Variants in PTPRD observed in about 807,000 individuals in gnomAD.
PTPRD encodes the protein receptor-type tyrosine-protein phosphatase delta.
Under a neutral mutation model 214.5 loss-of-function variants are expected in PTPRD, and 34 were observed. The ratio of observed to expected loss-of-function variants is 0.16; its 90% CI spans 0.12 to 0.21. The LOEUF (loss-of-function observed/expected upper bound fraction) is 0.21, where lower values mean the gene tolerates loss of function less well. Ranked by LOEUF, PTPRD falls within the 10% of genes least tolerant of loss-of-function variation. The pLI, the probability that PTPRD is intolerant of heterozygous loss-of-function variation, is 1.00. For missense variants in PTPRD, 2,545 were observed against 2,398.7 expected, an observed-to-expected ratio of 1.06 and a Z score of -1.27; for synonymous variants, 1,128 against 845.7, an observed-to-expected ratio of 1.33 and a Z score of -5.79.
intron 11 of PTPRD, among the ~76,000 whole-genome samples, chr9:8,866,699 T>G (rs2098202386): frequency 6.6e-6 from 1 of 152,206 alleles, no homozygotes; most frequent in Non-Finnish European, 1.5e-5. Context: ...CTATCCATAT[T>G]TCTTACTCAG....
intron 7 of PTPRD, among the ~76,000 whole-genome samples, chr9:9,654,955 G>C (rs537537515): frequency 6.6e-6 from 1 of 151,432 alleles, no homozygotes; most frequent in Non-Finnish European, 1.5e-5. Context: ...CTATACTGAA[G>C]AATAACACAT....
At position 10,253,134 on chromosome 9, in the gene PTPRD, G is replaced by A. The variant is rs548338398; in HGVS notation, c.-545+87829C>T. 9.3e-4 allele frequency among the ~76,000 whole-genome samples: 142 copies of A among 152,178 alleles called. 1 individual carries two copies. In the South Asian group the frequency reaches 0.017, roughly 18 times the overall value. ...TGAATAGACCTTTTAAGGATACAGA[G>A]CTTCACAGTTAAATTTGATGATTAA... On this transcript the variant is annotated intron_variant, in intron 3 of 45. Coordinates refer to ENST00000381196, the MANE Select transcript of PTPRD (RefSeq NM_002839.4).
intron 2 of PTPRD, among the ~76,000 whole-genome samples, chr9:10,448,993 A>G (rs866772415): frequency 3.3e-5 from 5 of 152,080 alleles, no homozygotes; most frequent in Middle Eastern, 3.4e-3. Flanking sequence ...GACAAAACCA[A>G]TATAATTTTA....
chr9:8,564,692 C>T (rs2088148550), intron 14 of PTPRD, among the ~76,000 whole-genome samples: 1 of 152,128 alleles, frequency 6.6e-6, no homozygotes, highest in African/African-American at 2.4e-5. Context: ...AGAATGAAGA[C>T]TCTGTCTCAA....
At chr9:8,954,429 C>A (rs2099120446) in intron 11 of PTPRD, among the ~76,000 whole-genome samples, 1 of 151,714 alleles carries the variant, frequency 6.6e-6, no homozygotes, top group Admixed American at 6.6e-5. Flanking sequence ...AATCACATCC[C>A]AAACTTCAGC....
intron 3 of PTPRD, among the ~76,000 whole-genome samples, chr9:10,154,501 A>C (rs1016445047): frequency 5.9e-5 from 9 of 152,132 alleles, no homozygotes; most frequent in Admixed American, 2.6e-4. Context: ...CATTGGTTGC[A>C]GTTGCTTTTG....
intron 10 of PTPRD, among the ~76,000 whole-genome samples, chr9:9,042,663 G>A (rs1032917996): frequency 2.1e-5 from 3 of 146,074 alleles, no homozygotes; most frequent in African/African-American, 5.1e-5. Flanking sequence ...GCCTCCTTAG[G>A]AGGCTTTTAG....
chr9:9,858,905 A>G (rs1282047522), intron 5 of PTPRD, among the ~76,000 whole-genome samples: 1 of 152,094 alleles, frequency 6.6e-6, no homozygotes, highest in Non-Finnish European at 1.5e-5. Context: ...CAGAGCAGAA[A>G]ACTTTGCCCA....
intron 21 of PTPRD, among the ~76,000 whole-genome samples, chr9:8,509,351 C>T (rs1563943816): frequency 6.6e-6 from 1 of 152,182 alleles, no homozygotes; most frequent in Non-Finnish European, 1.5e-5. Context: ...ACCTAATATT[C>T]ACATGATAAA....
chr9:8,934,828 T>A (rs1258000510), intron 11 of PTPRD, among the ~76,000 whole-genome samples: 1 of 151,860 alleles, frequency 6.6e-6, no homozygotes, highest in South Asian at 2.1e-4. Context: ...TATGTTCAGC[T>A]TTTTGGATTC....
chr9:9,811,334 G>T (rs1269429345), intron 5 of PTPRD, among the ~76,000 whole-genome samples: 3 of 152,198 alleles, frequency 2.0e-5, no homozygotes, highest in Admixed American at 6.5e-5. Flanking sequence ...AGAACTACAA[G>T]TGGAGCCTGA....
At chr9:10,288,974 A>G (rs1043961124) in intron 3 of PTPRD, among the ~76,000 whole-genome samples, 2 of 152,066 alleles carry the variant, frequency 1.3e-5, no homozygotes, top group African/African-American at 4.8e-5. Context: ...TATAAGATGT[A>G]GAATAACCAA....
chr9:8,394,109 C>T (rs1276567422), intron 36 of PTPRD, among the ~76,000 whole-genome samples: 1 of 151,442 alleles, frequency 6.6e-6, no homozygotes, highest in East Asian at 1.9e-4. Context: ...TTACAGTTTT[C>T]AGTGGAAAAA....
At chr9:8,849,389 G>GC (rs1210485828) in intron 11 of PTPRD, among the ~76,000 whole-genome samples, 2 of 151,814 alleles carry the variant, frequency 1.3e-5, no homozygotes, top group African/African-American at 4.8e-5. Flanking sequence ...ACCACGCCCA[G>GC]CTTATTTTTT....
chr9:9,548,408 T>TC (rs961359716), intron 8 of PTPRD, among the ~76,000 whole-genome samples: 6 of 147,350 alleles, frequency 4.1e-5, no homozygotes, highest in Admixed American at 3.4e-4. Context: ...TTTTTTTCTT[T>TC]TTTTTTTTTT....
At chr9:9,420,436 A>T (rs1050370649) in intron 8 of PTPRD, among the ~76,000 whole-genome samples, 1 of 152,022 alleles carries the variant, frequency 6.6e-6, no homozygotes, top group South Asian at 2.1e-4. Flanking sequence ...TCTAGCACAT[A>T]TTGGTGATAG....
chr9:8,418,988 A>T (rs1217928289), intron 35 of PTPRD, among the ~76,000 whole-genome samples: 1 of 152,134 alleles, frequency 6.6e-6, no homozygotes, highest in Non-Finnish European at 1.5e-5. Context: ...ATTCAAAATC[A>T]AAAGCATTAT....
intron 44 of PTPRD, among the ~76,000 whole-genome samples, chr9:8,329,560 G>A (rs762159070): frequency 6.6e-6 from 1 of 152,128 alleles, no homozygotes; most frequent in African/African-American, 2.4e-5. Flanking sequence ...GAGAAATGCT[G>A]CGCTCATCAG....
chr9:9,825,908 G>A (rs940815920), intron 5 of PTPRD, among the ~76,000 whole-genome samples: 2 of 151,212 alleles, frequency 1.3e-5, no homozygotes, highest in South Asian at 4.2e-4. Flanking sequence ...TTTTCTTTAA[G>A]ATCTATTATT....
Sources: allele counts gnomAD v4.1 joint callset (sites outside exome capture counted in the v4.1 genomes callset), GRCh38; gene constraint gnomAD v4.1.1; transcripts MANE v1.5; gene names NCBI Gene and HGNC (gene_info 2026-07-23, HGNC 2026-07-21).